Variants in CENPF observed in about 807,000 individuals in gnomAD.
CENPF encodes AH antigen.
Under a neutral mutation model 307.3 loss-of-function variants are expected in CENPF, and 214 were observed. The ratio of observed to expected loss-of-function variants is 0.70; its 90% CI spans 0.62 to 0.78. The LOEUF (loss-of-function observed/expected upper bound fraction) is 0.78. Ranked by LOEUF, CENPF falls within the 30% of genes least tolerant of loss-of-function variation. The probability of loss-of-function intolerance (pLI) is 0.00; values close to 1 mark genes in which losing one functional copy is unlikely to be tolerated. For missense variants in CENPF, 3,401 were observed against 3,483.9 expected, an observed-to-expected ratio of 0.98 and a Z score of 0.60; for synonymous variants, 1,259 against 1,270.6, an observed-to-expected ratio of 0.99 and a Z score of 0.19.
chr1:214,645,787 GA>G lies in CENPF; in HGVS notation c.6220del (p.Ser2074AlafsTer6), dbSNP rs1258213289. The G allele has an allele frequency of 1.2e-6, 2 of 1,614,174 alleles. No homozygotes were observed. The highest frequency in any genetic ancestry group is 1.7e-6 in the Non-Finnish European group (2 of 1,180,028). On this transcript the variant is annotated frameshift_variant, in exon 13 of 20. Coordinates refer to ENST00000366955, the MANE Select transcript of CENPF (RefSeq NM_016343.4). LOFTEE classifies it high-confidence loss of function. ...KEKELLVKES[E>X]SLQARLSESD... Reference sequence around the variant, plus strand: ...GAAAGAATTGCTTGTCAAGGAATCTGAAAGCCTGCAGGCCAGACTGAGTGAA... The same window carrying G: ...GAAAGAATTGCTTGTCAAGGAATCTGAAGCCTGCAGGCCAGACTGAGTGAA...
chr1:214,616,879 TTC>T (rs1657362961), intron 3 of CENPF, among the ~76,000 whole-genome samples: 1 of 113,582 alleles, frequency 8.8e-6, no homozygotes, highest in South Asian at 3.3e-4. Context: ...CTTTCTTTCT[TTC>T]TTTCTTTCTT....
At chr1:214,608,772 A>C in intron 1 of CENPF, 2 of 1,600,868 alleles carry the variant, frequency 1.2e-6, no homozygotes, top group Non-Finnish European at 1.7e-6. Flanking sequence ...CGAGCTTGGC[A>C]GCGATGCGGC....
At chr1:214,622,843 A>G (rs930471702) in intron 7 of CENPF, among the ~76,000 whole-genome samples, 9 of 140,458 alleles carry the variant, frequency 6.4e-5, no homozygotes, top group Non-Finnish European at 1.0e-4. Context: ...AAGATCGTAT[A>G]TATAGTTGGT....
At chr1:214,619,949 A>G (rs1657460428) in intron 5 of CENPF, among the ~76,000 whole-genome samples, 1 of 152,210 alleles carries the variant, frequency 6.6e-6, no homozygotes, top group Admixed American at 6.5e-5. Context: ...CATCCAGTTC[A>G]GTCATTTGTA....
At chr1:214,612,956 G>T (rs1164197296) in intron 1 of CENPF, 2 of 235,586 alleles carry the variant, frequency 8.5e-6, no homozygotes, top group African/African-American at 4.6e-5. Flanking sequence ...TTTTCTTTTT[G>T]ATTAACTGCT....
intron 10 of CENPF, among the ~76,000 whole-genome samples, chr1:214,636,673 C>G (rs1397333433): frequency 6.6e-6 from 1 of 152,204 alleles, no homozygotes; most frequent in Non-Finnish European, 1.5e-5. Context: ...CCTTCCAACA[C>G]AGTATTGCCA....
intron 17 of CENPF, among the ~76,000 whole-genome samples, chr1:214,656,356 A>G (rs1350290358): frequency 1.3e-5 from 2 of 151,988 alleles, no homozygotes; most frequent in African/African-American, 2.4e-5. Context: ...GCTTCAGGGG[A>G]TTTTTCTAAT....
chr1:214,655,516 C>G (rs969809546), intron 17 of CENPF, 113 bp downstream of exon 17: 5 of 873,254 alleles, frequency 5.7e-6, no homozygotes, highest in African/African-American at 1.8e-5. Flanking sequence ...TTACTGAGTG[C>G]TGATTTTTTA....
Position 214,648,798 on chromosome 1 carries a change from T to G in CENPF, c.7954T>G (p.Leu2652Val), listed in dbSNP as rs773633110. ...AAATAGGCTAGCTGGAGAGTTGCAG[T>G]TACTGTTGGAAGAAATAAAGAGCAG... The part of the protein sequence containing the change: ...EKNRLAGELQ[L>V]LLEEIKSSKD... The change falls in exon 14 of 20, where the codon TTA becomes GTA. Residue 2652 changes from leucine (L) to valine (V), a missense_variant. Coordinates refer to ENST00000366955, the MANE Select transcript of CENPF (RefSeq NM_016343.4). 6.2e-7 allele frequency: 1 copy of G among 1,613,860 alleles called. No homozygotes were observed. The highest frequency in any genetic ancestry group is 1.1e-5 in the South Asian group (1 of 91,026).
chr1:214,625,044 T>C (rs958950736), intron 7 of CENPF, among the ~76,000 whole-genome samples: 1 of 152,192 alleles, frequency 6.6e-6, no homozygotes, highest in African/African-American at 2.4e-5. Context: ...ATGGTAATTT[T>C]CTTTATTCTG....
At chr1:214,638,058 G>A (rs1658010988) in intron 11 of CENPF, 57 bp downstream of exon 11, 3 of 1,491,184 alleles carry the variant, frequency 2.0e-6, no homozygotes, top group South Asian at 2.6e-5. Context: ...CCGTGAGAGG[G>A]GATGGATGGC....
intron 8 of CENPF, 100 bp from the exon 9 acceptor site, chr1:214,630,434 G>A (rs943164951): frequency 4.5e-5 from 65 of 1,429,480 alleles, no homozygotes; most frequent in Admixed American, 3.8e-5. Flanking sequence ...GCTGTCTCCT[G>A]TGCTCTCTGT....
chr1:214,634,067 T>G (rs1200108779), intron 10 of CENPF, among the ~76,000 whole-genome samples: 3 of 152,240 alleles, frequency 2.0e-5, no homozygotes, highest in African/African-American at 7.2e-5. Flanking sequence ...CAGGTGTTTC[T>G]GAAGACTTGT....
chr1:214,616,230 G>A (rs777043983), intron 3 of CENPF, among the ~76,000 whole-genome samples: 1 of 152,078 alleles, frequency 6.6e-6, no homozygotes, highest in African/African-American at 2.4e-5. Context: ...GAAAATAATA[G>A]CAGGGTATAC....
Position 214,644,941 on chromosome 1 carries a change from G to C in CENPF, c.5371G>C (p.Glu1791Gln). 6.2e-7 allele frequency: 1 copy of C among 1,613,430 alleles called. No homozygotes were observed. The highest frequency in any genetic ancestry group is 1.1e-5 in the South Asian group (1 of 90,928). Residue 1791 changes from glutamate to glutamine, a missense_variant, in exon 13 of 20, where the codon GAG (glutamate) becomes CAG (glutamine). By Grantham distance (29) the Glu-to-Gln change is conservative (BLOSUM62 2). Coordinates refer to ENST00000366955, the MANE Select transcript of CENPF (RefSeq NM_016343.4). ...NENLRLLHVI[E>Q]DRDRKVESLL... ...GAATTTGAGATTACTTCATGTGATA[G>C]AGGACCGTGACAGAAAAGTTGAAAG...
At chr1:214,617,453 G>A (rs12408129) in intron 3 of CENPF, among the ~76,000 whole-genome samples, 10,346 of 152,214 alleles carry the variant, frequency 0.068, 406 homozygotes, top group South Asian at 0.14. Flanking sequence ...ATGTTAAACT[G>A]AAGTCAGAGA....
rs1159702031 is a variant in CENPF, at chr1:214,659,214, A to T, written c.9141+186A>T. ...GAGCATTACAGTATCAGGGTACATG[A>T]TCTCATCCTTCAGTCAACAGGCCGC... On this transcript the variant is annotated intron_variant, in intron 19 of 19. Coordinates refer to ENST00000366955, the MANE Select transcript of CENPF (RefSeq NM_016343.4). The surrounding 1 kb of genome is among the most constrained non-coding windows in gnomAD (Gnocchi z 4.4). Among the ~76,000 whole-genome samples the T allele has an allele frequency of 6.6e-6, 1 of 152,080 alleles. No individual in the cohort carries two copies. Among genetic ancestry groups the T allele is most frequent in the Non-Finnish European group, 1.5e-5 (1 of 68,010 alleles).
intron 6 of CENPF, 99 bp from the exon 7 acceptor site, chr1:214,621,980 C>T (rs1657517396): frequency 1.8e-5 from 17 of 930,540 alleles, no homozygotes; most frequent in Non-Finnish European, 2.4e-5. Context: ...ATATTTGTTT[C>T]GTCAAAGATT....
intron 5 of CENPF, 62 bp from the exon 6 acceptor site, chr1:214,620,593 A>G (rs766419570): frequency 1.1e-5 from 17 of 1,491,580 alleles, no homozygotes; most frequent in Non-Finnish European, 1.4e-5. Flanking sequence ...TTCTATCTGA[A>G]AATAAATAGC....
Sources: gnomAD v4.1 joint callset for allele counts (sites outside exome capture counted in the v4.1 genomes callset) on GRCh38, gnomAD v4.1.1 for gene constraint, Gnocchi (gnomAD v3.1) non-coding constraint, MANE v1.5 for transcripts, NCBI Gene and HGNC (gene_info 2026-07-23, HGNC 2026-07-21) for gene names.